Variants in NAA15 observed in about 807,000 individuals in gnomAD.
NAA15 encodes the protein N-terminal acetyltransferase.
Under a neutral mutation model 114.0 loss-of-function variants are expected in NAA15, and 34 were observed. The ratio of observed to expected loss-of-function variants is 0.30; its 90% CI spans 0.23 to 0.40. The LOEUF is 0.40. Ranked by LOEUF, NAA15 falls within the 10% of genes least tolerant of loss-of-function variation. The pLI is 1.00. For synonymous variants in NAA15, 340 were observed against 338.0 expected (o/e 1.01, Z -0.06); for missense variants, 658 against 1,004.5 (o/e 0.66, Z 4.66).
At chr4:139,352,651 C>T (rs1265274546) in intron 9 of NAA15, among the ~76,000 whole-genome samples, 1 of 149,630 alleles carries the variant, frequency 6.7e-6, no homozygotes, top group East Asian at 2.0e-4. Context: ...TAAATCACAT[C>T]CATAAAATAT....
Position 139,384,829 on chromosome 4 carries a change from C to CA in NAA15, c.2156-2dup. The CA allele has an allele frequency of 5.0e-6, 7 of 1,408,390 alleles. No homozygotes were observed. Among genetic ancestry groups the CA allele is most frequent in the Non-Finnish European group, 6.6e-6 (7 of 1,059,332 alleles). The allele number at this position is 1,408,390 out of a possible 1,614,324, so 87.2% of individuals were successfully genotyped here. A position where few individuals can be genotyped will look rare whatever the true frequency, so the allele number is the denominator to read the frequency against. On this transcript the variant is annotated splice_region_variant and splice_polypyrimidine_tract_variant and intron_variant, in intron 17 of 19. Coordinates refer to ENST00000296543, the MANE Select transcript of NAA15 (RefSeq NM_057175.5). ...GCTAAGATTTTATTTTTAATTTATT[C>CA]AGCAGTGTGTGAAAGTAAAGATTTA...
chr4:139,341,182 T>TG, intron 4 of NAA15, 113 bp downstream of exon 4: 1 of 745,132 alleles, frequency 1.3e-6, no homozygotes, highest in Non-Finnish European at 2.0e-6. Flanking sequence ...TTAATTGAAT[T>TG]TTTTTTTCCT....
chr4:139,327,548 C>T (rs1277234213), intron 1 of NAA15, among the ~76,000 whole-genome samples: 2 of 152,152 alleles, frequency 1.3e-5, no homozygotes, highest in African/African-American at 4.8e-5. Flanking sequence ...GCCACTGCGC[C>T]CAGCCTGACC....
chr4:139,347,989 G>A (rs1443980282), intron 6 of NAA15, among the ~76,000 whole-genome samples: 14 of 146,318 alleles, frequency 9.6e-5, no homozygotes, highest in African/African-American at 2.8e-4. Flanking sequence ...CCGAGATTGC[G>A]CCACTGCAGT....
chr4:139,347,044 A>G (rs778001674), intron 6 of NAA15, among the ~76,000 whole-genome samples: 5 of 150,214 alleles, frequency 3.3e-5, no homozygotes, highest in Non-Finnish European at 7.4e-5. Flanking sequence ...CCAGCCTCCC[A>G]CTACAGGTGC....
At chr4:139,339,937 C>G (rs1370400420) in intron 3 of NAA15, among the ~76,000 whole-genome samples, 1 of 152,156 alleles carries the variant, frequency 6.6e-6, no homozygotes, top group African/African-American at 2.4e-5. Context: ...TTTTTACAAC[C>G]TACTTTAATT....
At chr4:139,358,188 TTTG>T (rs1255746370) in intron 11 of NAA15, among the ~76,000 whole-genome samples, 1 of 134,266 alleles carries the variant, frequency 7.4e-6, no homozygotes, top group East Asian at 2.1e-4. Flanking sequence ...TGTTTTTGTT[TTTG>T]TTTTTTTTTT....
At chr4:139,341,593 CAAAAAAA>C (rs751688160) in intron 4 of NAA15, among the ~76,000 whole-genome samples, 72 of 14,420 alleles carry the variant, frequency 5.0e-3, no homozygotes, top group African/African-American at 0.011. Context: ...AACTCTGTCT[CAAAAAAA>C]AAAAAAAAAA....
At chr4:139,357,321 A>G (rs1237032640) in intron 10 of NAA15, 65 bp from the exon 11 acceptor site, 2 of 1,436,050 alleles carry the variant, frequency 1.4e-6, no homozygotes, top group Non-Finnish European at 1.9e-6. Flanking sequence ...CATAGGGACC[A>G]TTTTGGGGGG....
At chr4:139,363,456 T>G (rs2110963340) in intron 14 of NAA15, among the ~76,000 whole-genome samples, 1 of 152,330 alleles carries the variant, frequency 6.6e-6, no homozygotes. Flanking sequence ...GTTTCTTGTT[T>G]GATTTGTTTT....
intron 1 of NAA15, among the ~76,000 whole-genome samples, chr4:139,308,500 C>T (rs559656960): frequency 2.0e-5 from 3 of 152,266 alleles, no homozygotes; most frequent in African/African-American, 2.4e-5. Flanking sequence ...TATACTTTTG[C>T]TTGTACTTCA....
intron 14 of NAA15, among the ~76,000 whole-genome samples, chr4:139,363,453 G>C (rs1417191245): frequency 2.6e-5 from 4 of 152,014 alleles, no homozygotes; most frequent in Admixed American, 6.6e-5. Context: ...AGGGTTTCTT[G>C]TTTGATTTGT....
Position 139,301,517 on chromosome 4 carries a change from C to G in NAA15, c.-261C>G, listed in dbSNP as rs538885357. The G allele has an allele frequency of 1.1e-5, 5 of 469,086 alleles. No homozygotes were observed. The highest frequency in any genetic ancestry group is 4.0e-5 in the Admixed American group (1 of 24,718). 29.1% of individuals were successfully genotyped at this position (469,086 alleles called of 1,614,324 possible). On this transcript the variant is annotated 5_prime_UTR_variant, in exon 1 of 20. Coordinates refer to ENST00000296543, the MANE Select transcript of NAA15 (RefSeq NM_057175.5). The stretch of plus-strand genomic sequence containing the variant: ...CGTCCGCCATTTTGGCTGCCTCTGT[C>G]GGTCTGTTCAGTTACCACGTGAACC...
At position 139,357,137 on chromosome 4, in the gene NAA15, A is replaced by G. The variant is rs570138916; in HGVS notation, c.1088-249A>G. On this transcript the variant is annotated intron_variant, in intron 10 of 19. Transcript: ENST00000296543. ...TTTTCTTTCTAGGTAGTTAGACCTT[A>G]TTTATCTCCCATGTTTGTTTCATAA... Among the ~76,000 whole-genome samples the G allele has an allele frequency of 8.5e-5, 13 of 152,144 alleles. No homozygotes were observed. The South Asian group carries it at 2.7e-3, about 32-fold the overall frequency.
In NAA15 at chr4:139,357,563, T is replaced by C; in HGVS notation, c.1257+8T>C. The stretch of plus-strand genomic sequence containing the variant: ...AAAGCTAAAATCTATAAGGTAAAAA[T>C]CTTTTTTTCTATTTTCTTATAAGGT... On this transcript the variant is annotated splice_region_variant and intron_variant, in intron 11 of 19. Transcript: ENST00000296543. The C allele has an allele frequency of 6.4e-7, 1 of 1,557,904 alleles. No homozygotes were observed. The highest frequency in any genetic ancestry group is 8.8e-7 in the Non-Finnish European group (1 of 1,139,908).
intron 15 of NAA15, among the ~76,000 whole-genome samples, chr4:139,372,683 C>T (rs1013429665): frequency 1.3e-5 from 2 of 152,126 alleles, no homozygotes; most frequent in African/African-American, 4.8e-5. Context: ...TTAAAGGCCG[C>T]CTGCCAAGTC....
chr4:139,373,161 T>C (rs1207066992), intron 15 of NAA15, among the ~76,000 whole-genome samples: 2 of 151,850 alleles, frequency 1.3e-5, no homozygotes, highest in Non-Finnish European at 1.5e-5. Flanking sequence ...GGATTACAGG[T>C]GTGAGCTACC....
At chr4:139,309,433 G>C (rs1314692500) in intron 1 of NAA15, among the ~76,000 whole-genome samples, 2 of 61,154 alleles carry the variant, frequency 3.3e-5, no homozygotes, top group South Asian at 4.5e-4. Flanking sequence ...TTAAGTGTGT[G>C]TGTGTGTGTG....
intron 1 of NAA15, among the ~76,000 whole-genome samples, chr4:139,306,078 TTTG>T (rs1746002053): frequency 6.6e-6 from 1 of 152,190 alleles, no homozygotes; most frequent in South Asian, 2.1e-4. Flanking sequence ...AAAATTCAGT[TTTG>T]TTGTATATTT....
Sources: gnomAD v4.1 joint callset for allele counts (sites outside exome capture counted in the v4.1 genomes callset) on GRCh38, gnomAD v4.1.1 for gene constraint, MANE v1.5 for transcripts, NCBI Gene and HGNC (gene_info 2026-07-23, HGNC 2026-07-21) for gene names.